The following OR51E2 variants were observed in gnomAD, a reference collection of about 807,000 sequenced individuals.
OR51E2 encodes the protein olfactory receptor 51E2.
OR51E2 carries 14 observed loss-of-function variants against 13.7 expected under a neutral mutation model. That is an observed-to-expected ratio of 1.02 (90% CI 0.68 to 1.60). The LOEUF (loss-of-function observed/expected upper bound fraction) is 1.60, where lower values mean the gene tolerates loss of function less well. Among genes scored for constraint, OR51E2 ranks in the 40% most tolerant of loss-of-function variants. OR51E2 has a pLI of 0.00. For missense variants in OR51E2, 483 were observed against 413.8 expected, an observed-to-expected ratio of 1.17 and a Z score of -1.45; for synonymous variants, 180 against 157.6, an observed-to-expected ratio of 1.14 and a Z score of -1.07.
At chr11:4,695,431 G>A (rs1847644321) in intron 1 of OR51E2, among the ~76,000 whole-genome samples, 1 of 152,154 alleles carries the variant, frequency 6.6e-6, no homozygotes, top group African/African-American at 2.4e-5. Context: ...AGGATATATT[G>A]AATAGTTTTC....
chr11:4,682,820 C>T, intron 1 of OR51E2, 59 bp from the exon 2 acceptor site: 1 of 1,236,216 alleles, frequency 8.1e-7, no homozygotes, highest in African/African-American at 1.5e-5. Flanking sequence ...TGACATCCCA[C>T]CCCTTTTGTC....
chr11:4,692,184 G>A (rs1398318115), intron 1 of OR51E2: 2 of 452,120 alleles, frequency 4.4e-6, no homozygotes, highest in South Asian at 1.6e-5. Flanking sequence ...AAGCAGAGAA[G>A]CTTACAGACA....
chr11:4,683,997 T>C (rs144221974), intron 1 of OR51E2, among the ~76,000 whole-genome samples: 1 of 152,352 alleles, frequency 6.6e-6, no homozygotes, highest in East Asian at 1.9e-4. Flanking sequence ...TCTTCACTCA[T>C]CATCTGAGTT....
intron 1 of OR51E2, among the ~76,000 whole-genome samples, chr11:4,692,924 T>C (rs1847604703): frequency 6.6e-6 from 1 of 152,068 alleles, no homozygotes; most frequent in Non-Finnish European, 1.5e-5. Flanking sequence ...CAAGAAATTA[T>C]AGATTACACG....
At chr11:4,693,286 A>G (rs1228085805) in intron 1 of OR51E2, among the ~76,000 whole-genome samples, 2 of 152,222 alleles carry the variant, frequency 1.3e-5, no homozygotes, top group Non-Finnish European at 1.5e-5. Context: ...AACACACTAA[A>G]AAGGAATTAC....
intron 1 of OR51E2, chr11:4,691,654 T>G (rs761917854): frequency 2.4e-5 from 10 of 412,508 alleles, no homozygotes; most frequent in Non-Finnish European, 3.9e-5. Context: ...GGAACACCAG[T>G]GAGCAGGAAA....
intron 1 of OR51E2, among the ~76,000 whole-genome samples, chr11:4,695,165 C>G (rs1048899399): frequency 5.9e-5 from 9 of 152,160 alleles, no homozygotes; most frequent in African/African-American, 2.2e-4. Flanking sequence ...TTTTGCAGAG[C>G]ATCAAGAGCC....
Position 4,681,779 on chromosome 11 carries a change from G to C in OR51E2, c.933C>G (p.Asp311Glu). 1 of 1,614,158 alleles carries C rather than the reference G, an allele frequency of 6.2e-7. No individual in the cohort carries two copies. Among genetic ancestry groups the C allele is most frequent in the Non-Finnish European group, 8.5e-7 (1 of 1,180,000 alleles). ...RVLAMFKISC[D>E]KDLQAVGGK ...TGCCTCCCACAGCCTGCAAGTCCTT[G>C]TCACAGCTGATCTTGAACATAGCCA... Residue 311 changes from aspartate (D) to glutamate (E), a missense_variant, in exon 2 of 2, where the codon GAC becomes GAG. By Grantham distance (45) the Asp-to-Glu change is conservative (BLOSUM62 2). Transcript: ENST00000396950.
intron 1 of OR51E2, chr11:4,691,072 C>T (rs1221627130): frequency 2.2e-6 from 1 of 456,762 alleles, no homozygotes; most frequent in Admixed American, 2.3e-5. Context: ...AGTAAGTCTA[C>T]ACCAACAGTA....
intron 1 of OR51E2, among the ~76,000 whole-genome samples, chr11:4,683,093 C>T (rs911320720): frequency 2.0e-5 from 3 of 152,102 alleles, no homozygotes; most frequent in Non-Finnish European, 4.4e-5. Flanking sequence ...GAGCTCCTTC[C>T]AGATAAGGCT....
intron 1 of OR51E2, among the ~76,000 whole-genome samples, chr11:4,684,612 T>G (rs1025988385): frequency 6.6e-6 from 1 of 152,224 alleles, no homozygotes; most frequent in Non-Finnish European, 1.5e-5. Flanking sequence ...CATGCAGTGC[T>G]GACAGATAAC....
In OR51E2 at chr11:4,683,263, G is replaced by T. The variant is rs142378820; in HGVS notation, c.-50-502C>A. ...ATCTTCCTGTTTAGACTTGAAACAT[G>T]AGTAGAAATTAGACAGAGTGGAATA... On this transcript the variant is annotated intron_variant, in intron 1 of 1. Coordinates refer to ENST00000396950, the MANE Select transcript of OR51E2 (RefSeq NM_030774.4). 9.1e-4 allele frequency among the ~76,000 whole-genome samples: 139 copies of T among 152,344 alleles called. 1 individual carries two copies. Among genetic ancestry groups the T allele is most frequent in the African/African-American group, 3.2e-3 (134 of 41,586 alleles).
intron 1 of OR51E2, chr11:4,691,531 G>T (rs1252785556): frequency 2.2e-6 from 1 of 457,014 alleles, no homozygotes; most frequent in Admixed American, 2.3e-5. Flanking sequence ...ATTGGTTCGT[G>T]GAGGCTGGGC....
chr11:4,696,948 T>C (rs1338700127), intron 1 of OR51E2, among the ~76,000 whole-genome samples: 1 of 152,160 alleles, frequency 6.6e-6, no homozygotes, highest in African/African-American at 2.4e-5. Context: ...ATCTACACCA[T>C]TAATAAAAAT....
At chr11:4,687,861 C>G (rs1447172673) in intron 1 of OR51E2, among the ~76,000 whole-genome samples, 1 of 152,120 alleles carries the variant, frequency 6.6e-6, no homozygotes, top group East Asian at 1.9e-4. Flanking sequence ...CCCTTCTATT[C>G]TAAGTCAGGA....
At position 4,684,255 on chromosome 11, in the gene OR51E2, T is replaced by TA. The variant is rs1847490539; in HGVS notation, c.-50-1495dup. 2.6e-5 allele frequency among the ~76,000 whole-genome samples: 4 copies of TA among 152,296 alleles called. No homozygotes were observed. The South Asian group carries it at 8.3e-4, about 32-fold the overall frequency. ...AACAGCTAAGCTCCTTGACAAATAT[T>TA]AAATCCCATATTTGGCTCCCAGTTG... On this transcript the variant is annotated intron_variant, in intron 1 of 1. Coordinates refer to ENST00000396950, the MANE Select transcript of OR51E2 (RefSeq NM_030774.4).
chr11:4,695,795 G>A (rs759955747), intron 1 of OR51E2, among the ~76,000 whole-genome samples: 3 of 150,212 alleles, frequency 2.0e-5, no homozygotes, highest in Non-Finnish European at 4.4e-5. Flanking sequence ...TTTCCTGTTT[G>A]TTAAACAATG....
At chr11:4,688,834 C>T (rs866767727) in intron 1 of OR51E2, among the ~76,000 whole-genome samples, 17 of 152,156 alleles carry the variant, frequency 1.1e-4, no homozygotes, top group East Asian at 1.9e-4. Context: ...GATGTAGCAT[C>T]GGGGTGATAG....
At chr11:4,694,220 C>G (rs1232540698) in intron 1 of OR51E2, among the ~76,000 whole-genome samples, 1 of 151,834 alleles carries the variant, frequency 6.6e-6, no homozygotes, top group East Asian at 1.9e-4. Flanking sequence ...TTTCCTCCTT[C>G]TTGCCAAGAG....
Sources: gnomAD v4.1 joint callset for allele counts (sites outside exome capture counted in the v4.1 genomes callset) on GRCh38, gnomAD v4.1.1 for gene constraint, MANE v1.5 for transcripts, NCBI Gene and HGNC (gene_info 2026-07-23, HGNC 2026-07-21) for gene names.